Variants in NLGN1 observed in about 807,000 individuals in gnomAD.
NLGN1 encodes the protein neuroligin-1.
A neutral mutation model predicts 65.5 loss-of-function variants in NLGN1; 12 were observed. The ratio of observed to expected loss-of-function variants is 0.18; its 90% CI spans 0.12 to 0.30. The LOEUF (loss-of-function observed/expected upper bound fraction) is 0.30, where lower values mean the gene tolerates loss of function less well. NLGN1 is among the 10% of genes least tolerant of loss of function. The probability of loss-of-function intolerance (pLI) is 1.00; values close to 1 mark genes in which losing one functional copy is unlikely to be tolerated. For synonymous variants in NLGN1, 350 were observed against 359.5 expected, an observed-to-expected ratio of 0.97 and a Z score of 0.30; for missense variants, 750 against 1,007.1, an observed-to-expected ratio of 0.74 and a Z score of 3.46.
intron 4 of NLGN1, among the ~76,000 whole-genome samples, chr3:173,820,757 C>G (rs7612948): frequency 6.6e-6 from 1 of 151,900 alleles, no homozygotes; most frequent in Non-Finnish European, 1.5e-5. Flanking sequence ...CAGAGGTAAC[C>G]GGAGAGTAAA....
chr3:174,043,168 C>T (rs1039497627), intron 4 of NLGN1, among the ~76,000 whole-genome samples: 21 of 152,262 alleles, frequency 1.4e-4, no homozygotes, highest in African/African-American at 4.6e-4. Context: ...TCCACCTGAT[C>T]CCTCCCACGA....
At chr3:173,450,032 C>T (rs559300118) in intron 2 of NLGN1, among the ~76,000 whole-genome samples, 90 of 152,076 alleles carry the variant, frequency 5.9e-4, no homozygotes, top group Non-Finnish European at 1.1e-3. Context: ...CCAGTCTGTG[C>T]CTTTTAATTG....
intron 3 of NLGN1, among the ~76,000 whole-genome samples, chr3:173,657,838 T>A (rs1321856923): frequency 6.6e-6 from 1 of 151,878 alleles, no homozygotes; most frequent in Non-Finnish European, 1.5e-5. Context: ...GTGATGATCC[T>A]TGTCAGCAAT....
chr3:173,958,466 T>A (rs967961604), intron 4 of NLGN1, among the ~76,000 whole-genome samples: 1 of 151,740 alleles, frequency 6.6e-6, no homozygotes, highest in Non-Finnish European at 1.5e-5. Flanking sequence ...TCCACTCATT[T>A]ACTCAGCTCT....
intron 3 of NLGN1, among the ~76,000 whole-genome samples, chr3:173,651,871 C>A (rs1157439722): frequency 6.6e-6 from 1 of 152,134 alleles, no homozygotes; most frequent in African/African-American, 2.4e-5. Flanking sequence ...TGGCTCACTG[C>A]AACCTCCAAC....
At chr3:173,833,395 T>A (rs1160227308) in intron 4 of NLGN1, among the ~76,000 whole-genome samples, 1 of 152,220 alleles carries the variant, frequency 6.6e-6, no homozygotes, top group African/African-American at 2.4e-5. Flanking sequence ...TTATTTATAC[T>A]TTTGTTGGTT....
intron 3 of NLGN1, among the ~76,000 whole-genome samples, chr3:173,697,188 C>T (rs1289101593): frequency 6.6e-6 from 1 of 152,160 alleles, no homozygotes; most frequent in Non-Finnish European, 1.5e-5. Flanking sequence ...TAATTACAGG[C>T]ACATTGCATA....
At chr3:173,773,774 TA>T (rs1389870915) in intron 3 of NLGN1, among the ~76,000 whole-genome samples, 1 of 152,078 alleles carries the variant, frequency 6.6e-6, no homozygotes, top group African/African-American at 2.4e-5. Context: ...TATATATAAA[TA>T]AAAATAGTTA....
rs1189638040 is a variant in NLGN1 at position 174,095,222 on chromosome 3, T to TA, written c.647-180079dup. On this transcript the variant is annotated intron_variant, in intron 4 of 6. Transcript: ENST00000457714. ...TACCTGTGGAAGAAATTTTAAAAAC[T>TA]AAAAAAAAAAAAAACCATAAAGTTG... is the stretch of plus-strand genomic sequence containing the variant. Among the ~76,000 whole-genome samples, 1,005 of 114,692 alleles carry TA rather than the reference T, an allele frequency of 8.8e-3. 18 individuals carry two copies. The highest frequency in any genetic ancestry group is 0.022 in the East Asian group (95 of 4,272). 75.2% of individuals were successfully genotyped at this position (114,692 alleles called of 152,430 possible). A position where few individuals can be genotyped will look rare whatever the true frequency, so the allele number is the denominator to read the frequency against.
chr3:173,534,036 C>A (rs1203246498), intron 2 of NLGN1, among the ~76,000 whole-genome samples: 3 of 152,148 alleles, frequency 2.0e-5, no homozygotes, highest in African/African-American at 7.2e-5. Flanking sequence ...AAAACATCTT[C>A]ATGGCACCAT....
chr3:173,955,993 T>C (rs1047819947), intron 4 of NLGN1, among the ~76,000 whole-genome samples: 1 of 151,984 alleles, frequency 6.6e-6, no homozygotes, highest in Admixed American at 6.6e-5. Flanking sequence ...TAGCAAAAAA[T>C]ATAATTAATG....
At chr3:174,044,755 G>A (rs73184602) in intron 4 of NLGN1, among the ~76,000 whole-genome samples, 24,291 of 151,966 alleles carry the variant, frequency 0.16, 1,991 homozygotes, top group East Asian at 0.18. Flanking sequence ...ATATTGATTC[G>A]TAGTTCCCAT....
At chr3:173,667,371 T>C (rs1422974883) in intron 3 of NLGN1, among the ~76,000 whole-genome samples, 3 of 152,018 alleles carry the variant, frequency 2.0e-5, no homozygotes, top group Admixed American at 6.6e-5. Context: ...AAACATTTTT[T>C]AAAAAAACTA....
At chr3:173,551,259 G>A (rs1298611995) in intron 2 of NLGN1, among the ~76,000 whole-genome samples, 1 of 122,448 alleles carries the variant, frequency 8.2e-6, no homozygotes, top group African/African-American at 3.2e-5. Context: ...CAAAAATAGA[G>A]TTGAAATTAA....
intron 4 of NLGN1, among the ~76,000 whole-genome samples, chr3:174,029,689 G>C (rs1729548102): frequency 6.6e-6 from 1 of 152,170 alleles, no homozygotes; most frequent in South Asian, 2.1e-4. Flanking sequence ...ATCTCACCTT[G>C]AATTGTAATA....
At chr3:173,878,610 G>C (rs1732612932) in intron 4 of NLGN1, among the ~76,000 whole-genome samples, 1 of 146,794 alleles carries the variant, frequency 6.8e-6, no homozygotes, top group African/African-American at 2.5e-5. Context: ...TCTTTTATTT[G>C]TTCATATAAA....
chr3:173,973,614 A>G (rs1716775966), intron 4 of NLGN1, among the ~76,000 whole-genome samples: 1 of 152,088 alleles, frequency 6.6e-6, no homozygotes, highest in Non-Finnish European at 1.5e-5. Context: ...CACATCAAAT[A>G]TAGTAGCCTG....
intron 4 of NLGN1, among the ~76,000 whole-genome samples, chr3:173,921,237 T>C (rs1244395693): frequency 1.4e-5 from 2 of 147,726 alleles, no homozygotes; most frequent in African/African-American, 2.5e-5. Flanking sequence ...ATGTATAATA[T>C]ATGGTATATA....
chr3:174,181,947 A>AGCC (rs1482562895), intron 4 of NLGN1, among the ~76,000 whole-genome samples: 2 of 142,306 alleles, frequency 1.4e-5, no homozygotes, highest in African/African-American at 5.4e-5. Flanking sequence ...ACTGCACTCC[A>AGCC]GCCTGGGCAA....
Sources: gnomAD v4.1 joint callset for allele counts (sites outside exome capture counted in the v4.1 genomes callset) on GRCh38, gnomAD v4.1.1 for gene constraint, MANE v1.5 for transcripts, NCBI Gene and HGNC (gene_info 2026-07-23, HGNC 2026-07-21) for gene names.